Variants in LRRC3B observed in about 807,000 individuals in gnomAD.
LRRC3B encodes leucine-rich repeat-containing protein 3B.
Under a neutral mutation model 12.8 loss-of-function variants are expected in LRRC3B, and 2 were observed. The observed-to-expected ratio is 0.16, with a 90% CI of 0.06 to 0.49. LRRC3B has a LOEUF of 0.49. Ranked by LOEUF, LRRC3B falls within the 20% of genes least tolerant of loss-of-function variation. LRRC3B has a pLI of 0.96. For synonymous variants in LRRC3B, 132 were observed against 122.0 expected (o/e 1.08, Z -0.54); for missense variants, 189 against 319.4 (o/e 0.59, Z 3.11).
chr3:26,699,519 C>T (rs1700401518), intron 1 of LRRC3B, among the ~76,000 whole-genome samples: 1 of 152,040 alleles, frequency 6.6e-6, no homozygotes, highest in African/African-American at 2.4e-5. Context: ...GTGTTTTTCC[C>T]ACCAACCCAG....
At chr3:26,680,834 T>A (rs767225709) in intron 1 of LRRC3B, among the ~76,000 whole-genome samples, 6 of 152,194 alleles carry the variant, frequency 3.9e-5, no homozygotes, top group Non-Finnish European at 7.3e-5. Flanking sequence ...TTTTGGCATA[T>A]CCTAAAAGAC....
At chr3:26,689,483 T>C (rs1016970999) in intron 1 of LRRC3B, among the ~76,000 whole-genome samples, 4 of 152,204 alleles carry the variant, frequency 2.6e-5, no homozygotes, top group Admixed American at 2.6e-4. Context: ...TGTCATCCTC[T>C]TCATCTTTCC....
At chr3:26,680,327 T>C (rs1474902629) in intron 1 of LRRC3B, among the ~76,000 whole-genome samples, 3 of 152,222 alleles carry the variant, frequency 2.0e-5, no homozygotes, top group African/African-American at 7.2e-5. Context: ...TTAGGAATCT[T>C]GTTAAGTTGT....
intron 1 of LRRC3B, among the ~76,000 whole-genome samples, chr3:26,678,005 C>A (rs570841184): frequency 6.6e-6 from 1 of 151,816 alleles, no homozygotes; most frequent in African/African-American, 2.4e-5. Context: ...TTTGTAGAGA[C>A]GAGATCTCGC....
chr3:26,673,261 C>A (rs1699790384), intron 1 of LRRC3B, among the ~76,000 whole-genome samples: 1 of 152,060 alleles, frequency 6.6e-6, no homozygotes, highest in Non-Finnish European at 1.5e-5. Flanking sequence ...TTCATACAGT[C>A]TTTTATTTCT....
At chr3:26,635,391 G>C (rs933515554) in intron 1 of LRRC3B, among the ~76,000 whole-genome samples, 1 of 152,210 alleles carries the variant, frequency 6.6e-6, no homozygotes, top group African/African-American at 2.4e-5. Flanking sequence ...TTTGGAGATA[G>C]GGCCTTTGGG....
Position 26,646,598 on chromosome 3 carries a change from TAAAAAAAAAAAAAAAAAAAA to T in LRRC3B, c.-161+23380_-161+23399del, listed in dbSNP as rs529066996. On this transcript the variant is annotated intron_variant, in intron 1 of 1. Transcript: ENST00000396641. ...CCCAGAGGCCACTAAGGATAGGAGGTAAAAAAAAAAAAAAAAAAAAAAAAAAAAAAAAAAAAAACGGATTT... is the reference window on the plus strand; with the variant it reads ...CCCAGAGGCCACTAAGGATAGGAGGTAAAAAAAAAAAAAAAAAACGGATTT... 4.9e-3 allele frequency among the ~76,000 whole-genome samples: 487 copies of T among 99,658 alleles called. 7 individuals are homozygous for T. Among genetic ancestry groups the T allele is most frequent in the Admixed American group, 6.3e-3 (59 of 9,308 alleles). 65.4% of individuals were successfully genotyped at this position (99,658 alleles called of 152,430 possible). A position where few individuals can be genotyped will look rare whatever the true frequency, so the allele number is the denominator to read the frequency against.
At chr3:26,627,945 C>T (rs1698665299) in intron 1 of LRRC3B, among the ~76,000 whole-genome samples, 1 of 152,056 alleles carries the variant, frequency 6.6e-6, no homozygotes, top group Non-Finnish European at 1.5e-5. Flanking sequence ...TGGTCTATGT[C>T]CTAGGAACCA....
At chr3:26,671,367 T>TAGAGAGAGAGAGAGAGAGAG (rs1480789861) in intron 1 of LRRC3B, among the ~76,000 whole-genome samples, 4 of 40,314 alleles carry the variant, frequency 9.9e-5, no homozygotes, top group Non-Finnish European at 1.9e-4. Flanking sequence ...TATATATATA[T>TAGAGAGAGAGAGAGAGAGAG]ATATATAGAG....
chr3:26,703,720 G>C lies in LRRC3B; in HGVS notation c.-160-5793G>C, dbSNP rs563649533. Among the ~76,000 whole-genome samples, 288 of 151,418 alleles carry C rather than the reference G, an allele frequency of 1.9e-3. 1 individual carries two copies. Among genetic ancestry groups the C allele is most frequent in the African/African-American group, 6.8e-3 (280 of 41,238 alleles). On this transcript the variant is annotated intron_variant, in intron 1 of 1. Transcript: ENST00000396641. ...TCCTGATCTAGTTGCTGCAGATTGT[G>C]CGTCAGAGATCTATTTTTGTATATG...
chr3:26,688,084 C>T (rs1015967503), intron 1 of LRRC3B, among the ~76,000 whole-genome samples: 6 of 152,140 alleles, frequency 3.9e-5, no homozygotes, highest in Non-Finnish European at 8.8e-5. Flanking sequence ...GAGGACATAA[C>T]ATGGAAGTTT....
chr3:26,677,675 T>A (rs1699887974), intron 1 of LRRC3B, among the ~76,000 whole-genome samples: 2 of 152,216 alleles, frequency 1.3e-5, no homozygotes, highest in African/African-American at 2.4e-5. Flanking sequence ...TGTATACATA[T>A]AACACATTCT....
At chr3:26,676,521 A>G (rs568244516) in intron 1 of LRRC3B, among the ~76,000 whole-genome samples, 1 of 152,248 alleles carries the variant, frequency 6.6e-6, no homozygotes, top group South Asian at 2.1e-4. Flanking sequence ...GAGAAATGCA[A>G]ATCAAAAGCA....
intron 1 of LRRC3B, among the ~76,000 whole-genome samples, chr3:26,682,571 A>G (rs1419243770): frequency 1.3e-5 from 2 of 152,164 alleles, no homozygotes; most frequent in Non-Finnish European, 2.9e-5. Context: ...TTCCCCCAGG[A>G]GGTCCTGTCA....
chr3:26,691,861 G>A (rs987531247), intron 1 of LRRC3B, among the ~76,000 whole-genome samples: 9 of 152,172 alleles, frequency 5.9e-5, no homozygotes, highest in African/African-American at 1.9e-4. Flanking sequence ...TGTTATTTAT[G>A]TCAGTTCTGT....
intron 1 of LRRC3B, among the ~76,000 whole-genome samples, chr3:26,705,220 C>G (rs1274584887): frequency 2.0e-5 from 3 of 152,126 alleles, no homozygotes; most frequent in Non-Finnish European, 4.4e-5. Context: ...ATGGTTGCCA[C>G]CCAATCCCAG....
rs61229084 is a variant in LRRC3B, at chr3:26,685,486, CCTCT to C, written c.-160-23992_-160-23989del. The stretch of plus-strand genomic sequence containing the variant: ...CAACTAAGATATGGTAGACTCTCTC[CCTCT>C]CTCTCTCTCTCTCTCTCTCTCTCTC... On this transcript the variant is annotated intron_variant, in intron 1 of 1. Coordinates refer to ENST00000396641, the Ensembl canonical transcript of LRRC3B. Among the ~76,000 whole-genome samples the C allele has an allele frequency of 7.1e-3, 351 of 49,466 alleles. 3 individuals carry two copies. Among genetic ancestry groups the C allele is most frequent in the East Asian group, 0.019 (22 of 1,162 alleles). The allele number at this position is 49,466 out of a possible 152,430, so 32.5% of individuals were successfully genotyped here.
At chr3:26,698,628 G>A (rs530397125) in intron 1 of LRRC3B, among the ~76,000 whole-genome samples, 13 of 152,114 alleles carry the variant, frequency 8.5e-5, no homozygotes, top group African/African-American at 2.9e-4. Context: ...TTTCAGACAA[G>A]TTGAAAAATT....
chr3:26,662,045 AC>A (rs1393048858), intron 1 of LRRC3B, among the ~76,000 whole-genome samples: 1 of 151,976 alleles, frequency 6.6e-6, no homozygotes, highest in Non-Finnish European at 1.5e-5. Flanking sequence ...TTAACATATC[AC>A]CCCAGCATTT....
Sources: allele counts gnomAD v4.1 joint callset (sites outside exome capture counted in the v4.1 genomes callset), GRCh38; gene constraint gnomAD v4.1.1; transcripts MANE v1.5; gene names NCBI Gene and HGNC (gene_info 2026-07-23, HGNC 2026-07-21).